FOCAD: variants seen among roughly 807,000 people sequenced by gnomAD.
The protein encoded by FOCAD is KIAA1797.
In FOCAD, 198 loss-of-function variants were observed where a neutral mutation model predicts 225.6. The ratio of observed to expected loss-of-function variants is 0.88; its 90% CI spans 0.78 to 0.99. FOCAD has a LOEUF of 0.99. Among genes scored for constraint, FOCAD ranks in the 50% least tolerant of loss-of-function variants. The probability of loss-of-function intolerance (pLI) is 0.00; values close to 1 mark genes in which losing one functional copy is unlikely to be tolerated. For missense variants in FOCAD, 2,713 were observed against 2,123.6 expected, an observed-to-expected ratio of 1.28 and a Z score of -5.46; for synonymous variants, 897 against 755.0, an observed-to-expected ratio of 1.19 and a Z score of -3.08.
intron 5 of FOCAD, among the ~76,000 whole-genome samples, chr9:20,744,229 C>T (rs941720227): frequency 1.3e-5 from 2 of 152,122 alleles, no homozygotes; most frequent in African/African-American, 4.8e-5. Flanking sequence ...GTTTACTGTG[C>T]ATAAGGAGCT....
intron 22 of FOCAD, among the ~76,000 whole-genome samples, chr9:20,908,422 C>T (rs1029481475): frequency 1.3e-5 from 2 of 152,062 alleles, no homozygotes; most frequent in African/African-American, 4.8e-5. Flanking sequence ...TCGTAAAACA[C>T]TAATGTATCT....
chr9:20,954,908 C>G (rs1032832622), intron 35 of FOCAD, among the ~76,000 whole-genome samples: 1 of 152,162 alleles, frequency 6.6e-6, no homozygotes, highest in African/African-American at 2.4e-5. Context: ...AAAAACAAAA[C>G]CAGACCCTGC....
At chr9:20,800,449 A>G (rs990609829) in intron 11 of FOCAD, among the ~76,000 whole-genome samples, 7 of 152,130 alleles carry the variant, frequency 4.6e-5, no homozygotes, top group South Asian at 2.1e-4. Flanking sequence ...GTGTTTTCCA[A>G]CTTGGTTCCA....
intron 6 of FOCAD, among the ~76,000 whole-genome samples, chr9:20,758,471 C>T (rs1181543785): frequency 6.6e-6 from 1 of 151,480 alleles, no homozygotes; most frequent in African/African-American, 2.4e-5. Context: ...CCCATTAACT[C>T]GTCATTTAGC....
intron 4 of FOCAD, among the ~76,000 whole-genome samples, chr9:20,721,714 A>G (rs1326023066): frequency 6.6e-6 from 1 of 152,114 alleles, no homozygotes; most frequent in Admixed American, 6.5e-5. Context: ...CAACAACAAC[A>G]AAAATTTGTG....
chr9:20,795,978 C>G (rs534430863), intron 11 of FOCAD, among the ~76,000 whole-genome samples: 1 of 151,228 alleles, frequency 6.6e-6, no homozygotes, highest in African/African-American at 2.4e-5. Context: ...CCCCACCCCA[C>G]AACAGGCCCC....
intron 35 of FOCAD, among the ~76,000 whole-genome samples, chr9:20,967,383 T>C (rs964863459): frequency 2.0e-5 from 3 of 152,188 alleles, no homozygotes; most frequent in African/African-American, 7.2e-5. Context: ...TGCAACTTTA[T>C]TGAATTCCTT....
intron 35 of FOCAD, among the ~76,000 whole-genome samples, chr9:20,960,758 C>T (rs909607608): frequency 2.7e-5 from 4 of 147,342 alleles, no homozygotes; most frequent in East Asian, 2.0e-4. Context: ...CAACAGGCCT[C>T]GGTGTGTGAT....
chr9:20,938,172 C>G (rs1335972985), intron 28 of FOCAD, among the ~76,000 whole-genome samples: 1 of 152,154 alleles, frequency 6.6e-6, no homozygotes, highest in African/African-American at 2.4e-5. Flanking sequence ...GTCAGTGTGG[C>G]GATTCCTCAG....
At chr9:20,958,906 A>T (rs979049667) in intron 35 of FOCAD, among the ~76,000 whole-genome samples, 12 of 152,120 alleles carry the variant, frequency 7.9e-5, no homozygotes, top group Non-Finnish European at 1.6e-4. Context: ...TCCATTGTGG[A>T]TATATACCAA....
intron 4 of FOCAD, among the ~76,000 whole-genome samples, chr9:20,732,996 G>C (rs1404418860): frequency 1.3e-5 from 2 of 152,114 alleles, no homozygotes; most frequent in African/African-American, 4.8e-5. Flanking sequence ...TGTCTAGTAG[G>C]CAGCTGGATA....
Position 20,758,307 on chromosome 9 carries a change from T to A in FOCAD, c.494+116T>A, listed in dbSNP as rs7851363. ...TCTTTTTAGCTGCTTTGATCTATAATGTTTTCTCCTGAAGAACCATCCTAG... is the reference window on the plus strand; with the variant it reads ...TCTTTTTAGCTGCTTTGATCTATAAAGTTTTCTCCTGAAGAACCATCCTAG... On this transcript the variant is annotated intron_variant, in intron 6 of 43. Coordinates refer to ENST00000338382, the MANE Select transcript of FOCAD (RefSeq NM_001375567.1). The A allele has an allele frequency of 0.24, 140,605 of 590,904 alleles. 18,059 individuals are homozygous for A. Among genetic ancestry groups the A allele is most frequent in the South Asian group, 0.32 (11,429 of 35,906 alleles). The allele number at this position is 590,904 out of a possible 1,614,324, so 36.6% of individuals were successfully genotyped here.
At position 20,978,446 on chromosome 9, in the gene FOCAD, A is replaced by T. The variant is rs781080654; in HGVS notation, c.4369A>T (p.Ser1457Cys). 6.2e-7 allele frequency: 1 copy of T among 1,604,980 alleles called. No homozygotes were observed. Among genetic ancestry groups the T allele is most frequent in the South Asian group, 1.1e-5 (1 of 89,866 alleles). The change falls in exon 37 of 44, where the codon AGT becomes TGT. Residue 1457 changes from serine (S) to cysteine (C), a missense_variant. Coordinates refer to ENST00000338382, the MANE Select transcript of FOCAD (RefSeq NM_001375567.1). Reference protein sequence around the residue: ...GLWVTPPLIHSLSLNTKRYLL... With the variant: ...GLWVTPPLIHCLSLNTKRYLL... The stretch of plus-strand genomic sequence containing the variant: ...GTGGGTGACACCACCACTGATCCAC[A>T]GTCTGAGTGTATGTAGTAACTAAGG...
At chr9:20,853,314 T>C (rs1213744594) in intron 15 of FOCAD, among the ~76,000 whole-genome samples, 1 of 151,802 alleles carries the variant, frequency 6.6e-6, no homozygotes, top group Non-Finnish European at 1.5e-5. Flanking sequence ...TCTCTGGCTG[T>C]TGAGTAGTGA....
intron 11 of FOCAD, among the ~76,000 whole-genome samples, chr9:20,792,696 G>A (rs1213063531): frequency 6.6e-6 from 1 of 152,042 alleles, no homozygotes; most frequent in Non-Finnish European, 1.5e-5. Flanking sequence ...TGCAATCTTC[G>A]ATTATTTTAT....
chr9:20,746,894 A>G (rs1828080699), intron 5 of FOCAD, among the ~76,000 whole-genome samples: 1 of 151,778 alleles, frequency 6.6e-6, no homozygotes, highest in Non-Finnish European at 1.5e-5. Flanking sequence ...TTTGTTTTTC[A>G]TGGTGTTGGC....
At chr9:20,966,042 A>T (rs1429002563) in intron 35 of FOCAD, among the ~76,000 whole-genome samples, 1 of 152,082 alleles carries the variant, frequency 6.6e-6, no homozygotes, top group Non-Finnish European at 1.5e-5. Flanking sequence ...CTTGGTGTAT[A>T]TATATATCTA....
intron 8 of FOCAD, among the ~76,000 whole-genome samples, chr9:20,778,089 CAAAAAAA>C (rs1184354592): frequency 3.6e-4 from 30 of 84,180 alleles, no homozygotes; most frequent in Admixed American, 5.3e-4. Context: ...GACTCCGTCT[CAAAAAAA>C]AAAAAAAAAA....
intron 4 of FOCAD, among the ~76,000 whole-genome samples, chr9:20,728,324 A>G (rs1826386355): frequency 6.6e-6 from 1 of 152,224 alleles, no homozygotes; most frequent in South Asian, 2.1e-4. Flanking sequence ...TCTAAACACA[A>G]AATTCATTTA....
Sources: gnomAD v4.1 joint callset for allele counts (sites outside exome capture counted in the v4.1 genomes callset) on GRCh38, gnomAD v4.1.1 for gene constraint, MANE v1.5 for transcripts, NCBI Gene and HGNC (gene_info 2026-07-23, HGNC 2026-07-21) for gene names.